ARHGEF26: variants seen among roughly 807,000 people sequenced by gnomAD.
The protein encoded by ARHGEF26 is Rho guanine nucleotide exchange factor (GEF) 26.
ARHGEF26 carries 59 observed loss-of-function variants against 89.4 expected under a neutral mutation model. The ratio of observed to expected loss-of-function variants is 0.66; its 90% CI spans 0.54 to 0.82. ARHGEF26 has a LOEUF of 0.82. Ranked by LOEUF, ARHGEF26 falls within the 40% of genes least tolerant of loss-of-function variation. The pLI is 0.00. For synonymous variants in ARHGEF26, 500 were observed against 428.4 expected (o/e 1.17, Z -2.06); for missense variants, 1,234 against 1,085.6 (o/e 1.14, Z -1.92).
At chr3:154,188,864 C>A (rs1713762448) in intron 7 of ARHGEF26, among the ~76,000 whole-genome samples, 1 of 152,126 alleles carries the variant, frequency 6.6e-6, no homozygotes, top group Non-Finnish European at 1.5e-5. Context: ...CAGCTGCTAA[C>A]CCCAATGAGA....
chr3:154,241,018 C>T (rs1242422439), intron 12 of ARHGEF26, among the ~76,000 whole-genome samples: 1 of 152,170 alleles, frequency 6.6e-6, no homozygotes. Flanking sequence ...CCAATGATTT[C>T]TGTCAAAAGA....
At position 154,122,315 on chromosome 3, in the gene ARHGEF26, T is replaced by G. The variant is rs202114850; in HGVS notation, c.323T>G (p.Leu108Arg). The change falls in exon 2 of 15, where the codon CTT becomes CGT. Residue 108 changes from leucine (L) to arginine (R), a missense_variant. Leu to Arg is a moderately radical substitution (Grantham distance 102). Transcript: ENST00000465093. ...GAGTACAGGGCTGCCTCTCCTCGAC[T>G]TCGACGGCCCAAGTCACCCAAGCTC... ...SPEYRAASPR[L>R]RRPKSPKLPK... 1.1e-5 allele frequency: 17 copies of G among 1,612,680 alleles called. No individual in the cohort carries two copies. The highest frequency in any genetic ancestry group is 3.3e-5 in the South Asian group (3 of 91,086).
intron 3 of ARHGEF26, among the ~76,000 whole-genome samples, chr3:154,124,730 G>A (rs959481494): frequency 1.3e-5 from 2 of 152,044 alleles, no homozygotes; most frequent in Admixed American, 6.6e-5. Flanking sequence ...TGTTCCTCAG[G>A]AAGGGTAAGA....
intron 2 of ARHGEF26, among the ~76,000 whole-genome samples, 190 bp from the exon 3 acceptor site, chr3:154,124,220 A>G (rs982229034): frequency 3.3e-5 from 5 of 152,140 alleles, no homozygotes; most frequent in Middle Eastern, 3.2e-3. Context: ...TCATTGTTTC[A>G]GTGAATTGTA....
rs540752170 is a variant in ARHGEF26, at chr3:154,163,546, A to G, written c.1487+10614A>G. Among the ~76,000 whole-genome samples, 3 of 152,322 alleles carry G rather than the reference A, an allele frequency of 2.0e-5. No individual in the cohort carries two copies. In the South Asian group the frequency reaches 6.2e-4, roughly 32 times the overall value. On this transcript the variant is annotated intron_variant, in intron 6 of 14. Coordinates refer to ENST00000465093, the MANE Select transcript of ARHGEF26 (RefSeq NM_015595.4). The stretch of plus-strand genomic sequence containing the variant: ...TAAATTTTAATCTGCCAGGGATTAC[A>G]CATCTGGAAAATTATTTGAACTTGC...
intron 6 of ARHGEF26, among the ~76,000 whole-genome samples, chr3:154,170,373 AAAG>A (rs766206107): frequency 1.8e-4 from 28 of 152,206 alleles, no homozygotes; most frequent in Non-Finnish European, 2.9e-4. Flanking sequence ...AAGAAAAAGA[AAAG>A]AAAAGAAAAA....
intron 12 of ARHGEF26, among the ~76,000 whole-genome samples, chr3:154,243,032 C>T (rs569313375): frequency 6.6e-6 from 1 of 152,124 alleles, no homozygotes; most frequent in Admixed American, 6.5e-5. Context: ...CACCCAAGAC[C>T]AGGGTCAAGG....
intron 6 of ARHGEF26, among the ~76,000 whole-genome samples, chr3:154,157,445 T>A (rs189081329): frequency 6.6e-6 from 1 of 152,300 alleles, no homozygotes. Context: ...TTATGTGCCC[T>A]GCTGAGGCAT....
chr3:154,121,932 T>G lies in ARHGEF26; in HGVS notation c.-51-10T>G, dbSNP rs1717951530. 1.3e-6 allele frequency: 2 copies of G among 1,516,510 alleles called. No individual in the cohort carries two copies. Among genetic ancestry groups the G allele is most frequent in the African/African-American group, 2.8e-5 (2 of 71,708 alleles). 93.9% of individuals were successfully genotyped at this position (1,516,510 alleles called of 1,614,324 possible). On this transcript the variant is annotated splice_polypyrimidine_tract_variant and intron_variant, in intron 1 of 14. Transcript: ENST00000465093. ...CAGAGGCACAGTTTCCTAACTTCTTTCCTCTTTAGGCAAGACTAACTCGGT... is the reference window on the plus strand; with the variant it reads ...CAGAGGCACAGTTTCCTAACTTCTTGCCTCTTTAGGCAAGACTAACTCGGT...
chr3:154,248,036 A>G (rs1717904639), intron 12 of ARHGEF26, among the ~76,000 whole-genome samples: 1 of 152,240 alleles, frequency 6.6e-6, no homozygotes, highest in South Asian at 2.1e-4. Context: ...GGCACACACA[A>G]CAGGCTGTGG....
intron 9 of ARHGEF26, among the ~76,000 whole-genome samples, chr3:154,202,720 C>T (rs1714726598): frequency 6.7e-6 from 1 of 149,770 alleles, no homozygotes; most frequent in Non-Finnish European, 1.5e-5. Flanking sequence ...TCCTTCATGT[C>T]CCTTGTAAGT....
chr3:154,182,056 TAC>T (rs1368311143), intron 6 of ARHGEF26, among the ~76,000 whole-genome samples: 1 of 151,800 alleles, frequency 6.6e-6, no homozygotes, highest in Non-Finnish European at 1.5e-5. Flanking sequence ...TGTGTATATA[TAC>T]ACACACAATA....
chr3:154,235,904 T>C (rs1717099095), intron 11 of ARHGEF26, among the ~76,000 whole-genome samples: 2 of 152,238 alleles, frequency 1.3e-5, no homozygotes, highest in Admixed American at 1.3e-4. Flanking sequence ...TATGGAGCTT[T>C]AGTATTTTTA....
chr3:154,143,270 A>G (rs111788860), intron 4 of ARHGEF26, among the ~76,000 whole-genome samples: 30 of 152,342 alleles, frequency 2.0e-4, no homozygotes, highest in African/African-American at 7.0e-4. Flanking sequence ...AAATATATAG[A>G]AGGATTGTCT....
In ARHGEF26 at chr3:154,194,728, G is replaced by A. The variant is rs1164768056; in HGVS notation, c.1845+10G>A. 2 of 1,607,200 alleles carry A rather than the reference G, an allele frequency of 1.2e-6. No individual in the cohort carries two copies. The highest frequency in any genetic ancestry group is 3.4e-5 in the Admixed American group (2 of 59,502). Reference sequence around the variant, plus strand: ...GAAGGAAGTTAGCAAGGTAACTGTTGGGTGACAGTTTGTTTGTAAGACAGG... The same window carrying A: ...GAAGGAAGTTAGCAAGGTAACTGTTAGGTGACAGTTTGTTTGTAAGACAGG... On this transcript the variant is annotated intron_variant, in intron 9 of 14. Coordinates refer to ENST00000465093, the MANE Select transcript of ARHGEF26 (RefSeq NM_015595.4).
At chr3:154,175,672 T>G (rs1446444199) in intron 6 of ARHGEF26, among the ~76,000 whole-genome samples, 2 of 152,246 alleles carry the variant, frequency 1.3e-5, no homozygotes, top group Non-Finnish European at 1.5e-5. Flanking sequence ...CACTTTTGTT[T>G]CAGAGACCAC....
At chr3:154,245,488 G>C (rs780314438) in intron 12 of ARHGEF26, among the ~76,000 whole-genome samples, 1 of 152,196 alleles carries the variant, frequency 6.6e-6, no homozygotes, top group Non-Finnish European at 1.5e-5. Flanking sequence ...TCCTTTGCCT[G>C]TGTTTTTCAT....
chr3:154,146,589 A>G (rs1719721198), intron 4 of ARHGEF26, among the ~76,000 whole-genome samples: 1 of 152,222 alleles, frequency 6.6e-6, no homozygotes, highest in Admixed American at 6.5e-5. Flanking sequence ...TTCGACATGC[A>G]AAATATATCA....
intron 9 of ARHGEF26, among the ~76,000 whole-genome samples, chr3:154,208,621 A>C (rs1190916011): frequency 6.6e-6 from 1 of 151,876 alleles, no homozygotes; most frequent in African/African-American, 2.4e-5. Context: ...AGCCATGCTT[A>C]ATCATTTTGT....
Sources: gnomAD v4.1 joint callset for allele counts (sites outside exome capture counted in the v4.1 genomes callset) on GRCh38, gnomAD v4.1.1 for gene constraint, MANE v1.5 for transcripts, NCBI Gene and HGNC (gene_info 2026-07-23, HGNC 2026-07-21) for gene names.